Variants in KCNIP1 observed in about 807,000 individuals in gnomAD.
KCNIP1 encodes the protein potassium voltage-gated channel interacting protein 1, also known as A-type potassium channel modulatory protein KCNIP1.
In KCNIP1, 18 loss-of-function variants were observed where a neutral mutation model predicts 33.0. The ratio of observed to expected loss-of-function variants is 0.55; its 90% CI spans 0.38 to 0.81. The LOEUF (loss-of-function observed/expected upper bound fraction) is 0.81, where lower values mean the gene tolerates loss of function less well. Ranked by LOEUF, KCNIP1 falls within the 30% of genes least tolerant of loss-of-function variation. The pLI is 0.00. For missense variants in KCNIP1, 238 were observed against 271.6 expected, an observed-to-expected ratio of 0.88 and a Z score of 0.87; for synonymous variants, 93 against 98.3, an observed-to-expected ratio of 0.95 and a Z score of 0.32.
intron 1 of KCNIP1, among the ~76,000 whole-genome samples, chr5:170,603,215 A>T (rs1758767554): frequency 1.3e-5 from 2 of 152,232 alleles, no homozygotes. Flanking sequence ...CTGGCTCACA[A>T]GTCATAGCAG....
chr5:170,732,973 G>A, intron 6 of KCNIP1, 69 bp downstream of exon 6: 2 of 929,378 alleles, frequency 2.2e-6, no homozygotes, highest in Admixed American at 1.7e-5. Flanking sequence ...GAGCATCTGA[G>A]CAAATGATTT....
chr5:170,452,722 A>C (rs1289503659), intron 1 of KCNIP1, among the ~76,000 whole-genome samples: 2 of 152,238 alleles, frequency 1.3e-5, no homozygotes, highest in African/African-American at 4.8e-5. Context: ...CAAAGAAGCG[A>C]ACTGTTACTC....
intron 1 of KCNIP1, among the ~76,000 whole-genome samples, chr5:170,459,385 T>C (rs1239342584): frequency 6.6e-6 from 1 of 152,172 alleles, no homozygotes; most frequent in Non-Finnish European, 1.5e-5. Flanking sequence ...AACTGTGGAA[T>C]ATACATTCTA....
chr5:170,381,229 A>C (rs1423681776), intron 1 of KCNIP1, among the ~76,000 whole-genome samples: 2 of 152,164 alleles, frequency 1.3e-5, no homozygotes, highest in Non-Finnish European at 2.9e-5. Context: ...GCCTGAATGC[A>C]TCCTTTCTCT....
chr5:170,401,639 G>A (rs1426197609), intron 1 of KCNIP1, among the ~76,000 whole-genome samples: 1 of 151,922 alleles, frequency 6.6e-6, no homozygotes, highest in Non-Finnish European at 1.5e-5. Flanking sequence ...GCGCATGCCT[G>A]TGGTCCCAGC....
chr5:170,577,540 C>A (rs535813107), intron 1 of KCNIP1, among the ~76,000 whole-genome samples: 3 of 152,078 alleles, frequency 2.0e-5, no homozygotes, highest in African/African-American at 7.2e-5. Context: ...TAATATGGAC[C>A]GTCTCACTTG....
At chr5:170,606,921 G>C (rs888408503) in intron 1 of KCNIP1, among the ~76,000 whole-genome samples, 5 of 152,220 alleles carry the variant, frequency 3.3e-5, no homozygotes, top group African/African-American at 1.2e-4. Flanking sequence ...CAGCGCCCTA[G>C]GCTGGGGCCA....
intron 1 of KCNIP1, among the ~76,000 whole-genome samples, chr5:170,444,145 C>T (rs994554884): frequency 6.6e-6 from 1 of 152,192 alleles, no homozygotes; most frequent in Non-Finnish European, 1.5e-5. Context: ...TCAAACAACA[C>T]ACCTTTATTA....
At chr5:170,409,663 G>A (rs892155721) in intron 1 of KCNIP1, among the ~76,000 whole-genome samples, 1 of 152,126 alleles carries the variant, frequency 6.6e-6, no homozygotes, top group Admixed American at 6.5e-5. Flanking sequence ...CCCAGCCTGT[G>A]CCACTCTACT....
intron 1 of KCNIP1, among the ~76,000 whole-genome samples, chr5:170,494,643 A>G (rs1461355534): frequency 6.6e-6 from 1 of 152,050 alleles, no homozygotes; most frequent in African/African-American, 2.4e-5. Context: ...TGTCCTCTAA[A>G]CCAAGACCAA....
chr5:170,426,247 T>TCACGCACACACACA (rs1554091610), intron 1 of KCNIP1, among the ~76,000 whole-genome samples: 1 of 149,162 alleles, frequency 6.7e-6, no homozygotes, highest in Non-Finnish European at 1.5e-5. Flanking sequence ...TCAAAAGGAA[T>TCACGCACACACACA]CACACACACA....
chr5:170,356,716 A>G (rs1763357877), intron 1 of KCNIP1, among the ~76,000 whole-genome samples: 1 of 152,210 alleles, frequency 6.6e-6, no homozygotes, highest in African/African-American at 2.4e-5. Flanking sequence ...GGCCAGAGCT[A>G]CTAGCATGGG....
At chr5:170,656,255 A>C (rs1761259926) in intron 1 of KCNIP1, among the ~76,000 whole-genome samples, 1 of 152,248 alleles carries the variant, frequency 6.6e-6, no homozygotes, top group South Asian at 2.1e-4. Context: ...AGCTCAGTGC[A>C]CACACTAAGT....
intron 1 of KCNIP1, among the ~76,000 whole-genome samples, chr5:170,563,065 A>G (rs1052937344): frequency 1.3e-5 from 2 of 152,196 alleles, no homozygotes; most frequent in Admixed American, 1.3e-4. Flanking sequence ...CTGCCCTTTC[A>G]GTCTTGGACA....
intron 1 of KCNIP1, among the ~76,000 whole-genome samples, chr5:170,398,013 T>A (rs1465021027): frequency 2.0e-5 from 3 of 152,202 alleles, no homozygotes; most frequent in African/African-American, 7.2e-5. Flanking sequence ...AGTTTTATGA[T>A]GCAGATGAAG....
At chr5:170,360,787 G>A (rs1282980037) in intron 1 of KCNIP1, among the ~76,000 whole-genome samples, 3 of 152,232 alleles carry the variant, frequency 2.0e-5, no homozygotes, top group South Asian at 2.1e-4. Flanking sequence ...CGTTCACCAC[G>A]TGGGAATCAC....
At chr5:170,418,353 C>G (rs540357707) in intron 1 of KCNIP1, among the ~76,000 whole-genome samples, 2 of 152,168 alleles carry the variant, frequency 1.3e-5, no homozygotes, top group Non-Finnish European at 1.5e-5. Context: ...ATTGCTTGAA[C>G]CCAGGAGGTG....
At chr5:170,600,362 G>C (rs1322087713) in intron 1 of KCNIP1, among the ~76,000 whole-genome samples, 3 of 152,176 alleles carry the variant, frequency 2.0e-5, no homozygotes, top group Non-Finnish European at 4.4e-5. Flanking sequence ...TAGCACAGCT[G>C]TTCCCTGTGC....
intron 1 of KCNIP1, among the ~76,000 whole-genome samples, chr5:170,570,769 T>C (rs770922520): frequency 6.6e-6 from 1 of 152,248 alleles, no homozygotes; most frequent in Non-Finnish European, 1.5e-5. Context: ...GAACAGGAGA[T>C]GCCTCCTGGG....
Sources: gnomAD v4.1 joint callset for allele counts (sites outside exome capture counted in the v4.1 genomes callset) on GRCh38, gnomAD v4.1.1 for gene constraint, MANE v1.5 for transcripts, NCBI Gene and HGNC (gene_info 2026-07-23, HGNC 2026-07-21) for gene names.